Variants in PTPRK observed in about 807,000 individuals in gnomAD.
The protein encoded by PTPRK is receptor-type tyrosine-protein phosphatase kappa.
Under a neutral mutation model 178.0 loss-of-function variants are expected in PTPRK, and 75 were observed. That is an observed-to-expected ratio of 0.42 (90% CI 0.35 to 0.51). PTPRK has a LOEUF of 0.51. Ranked by LOEUF, PTPRK falls within the 20% of genes least tolerant of loss-of-function variation. The pLI is 0.02. For missense variants in PTPRK, 1,441 were observed against 1,797.8 expected (o/e 0.80, Z 3.59); for synonymous variants, 637 against 620.6 (o/e 1.03, Z -0.39).
At position 128,363,025 on chromosome 6, in the gene PTPRK, C is replaced by T. The variant is rs188325186; in HGVS notation, c.223+34541G>A. On this transcript the variant is annotated intron_variant, in intron 2 of 29. Transcript: ENST00000368226. Reference sequence around the variant, plus strand: ...GGAAGAAAAAGAATCACTGGGAATTCAGTAATGTAAGTCATATTTGCTTTA... The same window carrying T: ...GGAAGAAAAAGAATCACTGGGAATTTAGTAATGTAAGTCATATTTGCTTTA... 1.7e-4 allele frequency among the ~76,000 whole-genome samples: 26 copies of T among 152,204 alleles called. 1 individual carries two copies. The highest frequency in any genetic ancestry group is 8.5e-4 in the Admixed American group (13 of 15,276).
At chr6:128,149,391 C>T (rs1163485455) in intron 7 of PTPRK, among the ~76,000 whole-genome samples, 3 of 151,608 alleles carry the variant, frequency 2.0e-5, no homozygotes, top group African/African-American at 7.3e-5. Flanking sequence ...ATATATTAAA[C>T]CTGAAATGTA....
chr6:127,972,087 G>A (rs1184455478), intron 29 of PTPRK, among the ~76,000 whole-genome samples: 2 of 152,146 alleles, frequency 1.3e-5, no homozygotes, highest in African/African-American at 2.4e-5. Flanking sequence ...GGTACCGCTT[G>A]TAAAAGTGAA....
At chr6:128,329,210 A>G (rs1185392513) in intron 2 of PTPRK, among the ~76,000 whole-genome samples, 1 of 152,154 alleles carries the variant, frequency 6.6e-6, no homozygotes, top group Non-Finnish European at 1.5e-5. Flanking sequence ...TACTTCACTC[A>G]TTCAGTCTCT....
At chr6:128,443,850 A>AT (rs201509494) in intron 1 of PTPRK, among the ~76,000 whole-genome samples, 52 of 151,602 alleles carry the variant, frequency 3.4e-4, no homozygotes, top group African/African-American at 1.1e-3. Context: ...CCTAGACCAG[A>AT]TTTTTTTTTC....
At chr6:128,403,666 T>G (rs1841310967) in intron 1 of PTPRK, among the ~76,000 whole-genome samples, 1 of 152,150 alleles carries the variant, frequency 6.6e-6, no homozygotes, top group South Asian at 2.1e-4. Context: ...ATGCACATAT[T>G]TAACAGCTAA....
intron 3 of PTPRK, among the ~76,000 whole-genome samples, chr6:128,294,010 G>A (rs959172475): frequency 1.3e-5 from 2 of 152,070 alleles, no homozygotes; most frequent in African/African-American, 2.4e-5. Flanking sequence ...TATAGCTGTA[G>A]ATGATTCTTT....
chr6:128,470,982 C>T (rs1281559935), intron 1 of PTPRK, among the ~76,000 whole-genome samples: 1 of 149,568 alleles, frequency 6.7e-6, no homozygotes, highest in African/African-American at 2.5e-5. Context: ...AAGTTAAAAT[C>T]ACATTACATT....
intron 13 of PTPRK, among the ~76,000 whole-genome samples, chr6:128,011,443 T>C (rs1209349811): frequency 6.6e-6 from 1 of 151,140 alleles, no homozygotes; most frequent in Non-Finnish European, 1.5e-5. Flanking sequence ...ATAAAATACA[T>C]GCTATTATGG....
intron 2 of PTPRK, among the ~76,000 whole-genome samples, chr6:128,349,170 A>G (rs1018600129): frequency 7.9e-5 from 12 of 152,238 alleles, no homozygotes; most frequent in African/African-American, 2.9e-4. Flanking sequence ...TTCACTGTCA[A>G]CCTAGAGCAA....
intron 7 of PTPRK, among the ~76,000 whole-genome samples, chr6:128,184,226 G>A (rs1469786635): frequency 6.6e-6 from 1 of 152,024 alleles, no homozygotes; most frequent in Admixed American, 6.6e-5. Flanking sequence ...TAATAATAAT[G>A]GCTTGAGAAT....
rs1428214348 is a variant in PTPRK at position 127,977,049 on chromosome 6, G to C, written c.3717C>G (p.Tyr1239Ter). Residue 1239 changes from tyrosine to a stop codon, truncating the protein, a stop_gained, in exon 26 of 30, where the codon TAC becomes TAG. Coordinates refer to ENST00000368226, the MANE Select transcript of PTPRK (RefSeq NM_002844.4). LOFTEE classifies it high-confidence loss of function. ...TGACGATGAAAGCAGCTGGTTGCCT[G>C]TAGCTCTGTGAAGAAACAAGGTAGA... ...NYINAALMDSYRQPAAFIVTQ... is the reference protein window; with the variant it reads ...NYINAALMDS 6.2e-7 allele frequency: 1 copy of C among 1,613,858 alleles called. No individual in the cohort carries two copies.
intron 1 of PTPRK, among the ~76,000 whole-genome samples, chr6:128,447,754 G>C (rs1438586085): frequency 6.6e-6 from 1 of 151,834 alleles, no homozygotes; most frequent in Non-Finnish European, 1.5e-5. Flanking sequence ...CTCCTGAGTA[G>C]CTGGGACTAC....
chr6:128,128,910 A>T (rs957278928), intron 7 of PTPRK, among the ~76,000 whole-genome samples: 12 of 152,222 alleles, frequency 7.9e-5, no homozygotes, highest in African/African-American at 2.9e-4. Flanking sequence ...GCTGCACAGA[A>T]ATGACATGAA....
chr6:128,464,674 T>TATATATATATATATATATATATAC (rs1407701569), intron 1 of PTPRK, among the ~76,000 whole-genome samples: 1 of 124,768 alleles, frequency 8.0e-6, no homozygotes, highest in Admixed American at 8.0e-5. Context: ...TATATATATA[T>TATATATATATATATATATATATAC]ACAACAGATG....
At chr6:128,251,947 C>T (rs1036845026) in intron 3 of PTPRK, among the ~76,000 whole-genome samples, 3 of 152,148 alleles carry the variant, frequency 2.0e-5, no homozygotes, top group East Asian at 3.8e-4. Context: ...AGTGCAGTTG[C>T]ATGAAAAGCA....
chr6:128,181,144 A>T (rs6918772), intron 7 of PTPRK, among the ~76,000 whole-genome samples: 3,322 of 152,180 alleles, frequency 0.022, 99 homozygotes, highest in African/African-American at 0.046. Context: ...ACCTACATTT[A>T]CATTTGAAAA....
At chr6:128,046,985 C>G (rs576631839) in intron 13 of PTPRK, among the ~76,000 whole-genome samples, 6 of 151,896 alleles carry the variant, frequency 4.0e-5, no homozygotes, top group African/African-American at 1.4e-4. Flanking sequence ...AAAAGGGCAC[C>G]AATGAAAGAT....
At chr6:128,364,803 T>C (rs151093300) in intron 2 of PTPRK, among the ~76,000 whole-genome samples, 1 of 152,192 alleles carries the variant, frequency 6.6e-6, no homozygotes, top group African/African-American at 2.4e-5. Flanking sequence ...TCCTGCACAC[T>C]GGTTTTCCTA....
chr6:128,075,451 C>T (rs946284328), intron 11 of PTPRK, among the ~76,000 whole-genome samples: 1 of 152,008 alleles, frequency 6.6e-6, no homozygotes, highest in Admixed American at 6.6e-5. Flanking sequence ...AGGCTATCTG[C>T]AATTCGTAAA....
Sources: allele counts gnomAD v4.1 joint callset (sites outside exome capture counted in the v4.1 genomes callset), GRCh38; gene constraint gnomAD v4.1.1; transcripts MANE v1.5; gene names NCBI Gene and HGNC (gene_info 2026-07-23, HGNC 2026-07-21).